The following FAM114A2 variants were observed in gnomAD, a reference collection of about 807,000 sequenced individuals.
FAM114A2 encodes family with sequence similarity 114 member A2.
In FAM114A2, 53 loss-of-function variants were observed where a neutral mutation model predicts 58.4. The ratio of observed to expected loss-of-function variants is 0.91; its 90% CI spans 0.73 to 1.14. The LOEUF (loss-of-function observed/expected upper bound fraction) is 1.14, where lower values mean the gene tolerates loss of function less well. Among genes scored for constraint, FAM114A2 ranks in the 50% most tolerant of loss-of-function variants. FAM114A2 has a pLI of 0.00. For synonymous variants in FAM114A2, 228 were observed against 211.4 expected (o/e 1.08, Z -0.68); for missense variants, 601 against 581.1 (o/e 1.03, Z -0.35).
rs1463037186 is a variant in FAM114A2, at chr5:153,994,910, A to T, written c.1383+9T>A. Reference sequence around the variant, plus strand: ...CTTTGGAGTCAGAGACTTAAAAACAATTACTAACCTCTAGAAATACTGCAG... The same window carrying T: ...CTTTGGAGTCAGAGACTTAAAAACATTTACTAACCTCTAGAAATACTGCAG... On this transcript the variant is annotated intron_variant, in intron 13 of 13. Transcript: ENST00000351797. 1 of 1,579,784 alleles carries T rather than the reference A, an allele frequency of 6.3e-7. No individual in the cohort carries two copies. Among genetic ancestry groups the T allele is most frequent in the Admixed American group, 1.7e-5 (1 of 59,850 alleles).
chr5:153,993,902 C>G (rs1165059028), intron 13 of FAM114A2, among the ~76,000 whole-genome samples: 1 of 152,106 alleles, frequency 6.6e-6, no homozygotes, highest in Non-Finnish European at 1.5e-5. Flanking sequence ...TACTCAATTT[C>G]CCACACAAAA....
intron 1 of FAM114A2, chr5:154,036,116 C>T (rs959268987): frequency 9.9e-5 from 15 of 151,950 alleles, no homozygotes; most frequent in African/African-American, 3.4e-4. Flanking sequence ...CAGTATGTAG[C>T]TTATCTTTTA....
At chr5:154,023,037 C>G (rs972522018) in intron 8 of FAM114A2, among the ~76,000 whole-genome samples, 1 of 151,952 alleles carries the variant, frequency 6.6e-6, no homozygotes, top group Admixed American at 6.6e-5. Flanking sequence ...ATCACAAGGA[C>G]AGAAAACCAA....
chr5:154,005,270 C>T (rs1303654556), intron 9 of FAM114A2, among the ~76,000 whole-genome samples: 1 of 152,098 alleles, frequency 6.6e-6, no homozygotes, highest in African/African-American at 2.4e-5. Context: ...TTCATGTGAC[C>T]TGGGTGCAGC....
intron 8 of FAM114A2, among the ~76,000 whole-genome samples, chr5:154,013,765 A>G (rs1043973722): frequency 9.9e-5 from 15 of 152,226 alleles, no homozygotes; most frequent in African/African-American, 3.4e-4. Context: ...GGAACAATGG[A>G]GCAACTTAAG....
intron 9 of FAM114A2, among the ~76,000 whole-genome samples, chr5:154,009,343 C>T (rs1246266507): frequency 6.6e-6 from 1 of 151,716 alleles, no homozygotes; most frequent in Non-Finnish European, 1.5e-5. Context: ...GAATTACAAG[C>T]CAATGGGGGA....
intron 7 of FAM114A2, among the ~76,000 whole-genome samples, chr5:154,026,786 T>G (rs1365166559): frequency 2.0e-5 from 3 of 150,886 alleles, no homozygotes; most frequent in Non-Finnish European, 4.4e-5. Context: ...ACAAAAAAAT[T>G]AGATAATCTT....
At chr5:154,017,218 G>C (rs575365878) in intron 8 of FAM114A2, among the ~76,000 whole-genome samples, 4 of 152,330 alleles carry the variant, frequency 2.6e-5, no homozygotes, top group African/African-American at 9.6e-5. Flanking sequence ...CGAGGCAGGT[G>C]TATCACCTGA....
At chr5:154,016,002 T>A (rs112261123) in intron 8 of FAM114A2, among the ~76,000 whole-genome samples, 1 of 151,724 alleles carries the variant, frequency 6.6e-6, no homozygotes, top group East Asian at 1.9e-4. Context: ...AGCAATAGAA[T>A]TGAACAAGCA....
Position 154,013,050 on chromosome 5 carries a change from T to G in FAM114A2, c.914-1730A>C, listed in dbSNP as rs573836419. Among the ~76,000 whole-genome samples, 3 of 151,710 alleles carry G rather than the reference T, an allele frequency of 2.0e-5. No individual in the cohort carries two copies. The South Asian group carries it at 6.2e-4, about 31-fold the overall frequency. ...TATTCACATATAATTTATATGAATT[T>G]ACAGATTATATAATTTATAAACATC... On this transcript the variant is annotated intron_variant, in intron 8 of 13. Coordinates refer to ENST00000351797, the MANE Select transcript of FAM114A2 (RefSeq NM_018691.4).
intron 4 of FAM114A2, among the ~76,000 whole-genome samples, chr5:154,031,460 T>C (rs1031064693): frequency 1.3e-5 from 2 of 152,134 alleles, no homozygotes; most frequent in Non-Finnish European, 2.9e-5. Flanking sequence ...CAATGGCCTA[T>C]GCTTATCTCA....
At chr5:154,018,077 T>C (rs1337438789) in intron 8 of FAM114A2, among the ~76,000 whole-genome samples, 3 of 151,940 alleles carry the variant, frequency 2.0e-5, no homozygotes. Context: ...AGAACAGAAC[T>C]AAATGAAGTT....
chr5:154,006,363 G>A (rs1246745340), intron 9 of FAM114A2, among the ~76,000 whole-genome samples: 2 of 152,186 alleles, frequency 1.3e-5, no homozygotes, highest in African/African-American at 4.8e-5. Flanking sequence ...GGTGGGTATG[G>A]GTAGAAGGTG....
chr5:154,018,285 T>C (rs1426576542), intron 8 of FAM114A2, among the ~76,000 whole-genome samples: 1 of 152,112 alleles, frequency 6.6e-6, no homozygotes, highest in African/African-American at 2.4e-5. Flanking sequence ...TGAACACCTG[T>C]ATGCGCATAA....
intron 8 of FAM114A2, among the ~76,000 whole-genome samples, chr5:154,024,490 C>A (rs1771650505): frequency 6.6e-6 from 1 of 152,094 alleles, no homozygotes; most frequent in African/African-American, 2.4e-5. Flanking sequence ...CAGATGACAG[C>A]TAAATTCTCT....
chr5:154,003,041 C>G, intron 9 of FAM114A2, 72 bp from the exon 10 acceptor site: 1 of 1,393,054 alleles, frequency 7.2e-7, no homozygotes. Context: ...CTACCAGGAA[C>G]ACAATAGCAT....
intron 8 of FAM114A2, among the ~76,000 whole-genome samples, chr5:154,014,341 C>T (rs947933851): frequency 6.6e-5 from 10 of 152,104 alleles, no homozygotes; most frequent in Non-Finnish European, 1.2e-4. Context: ...GACAGAGCAG[C>T]GCGTGGAGGC....
intron 13 of FAM114A2, chr5:153,994,575 T>C (rs1301478003): frequency 5.6e-6 from 1 of 177,352 alleles, no homozygotes; most frequent in African/African-American, 2.4e-5. Context: ...AGTCCTAAAT[T>C]AGGAAGCAGT....
intron 7 of FAM114A2, among the ~76,000 whole-genome samples, chr5:154,026,881 T>TA (rs369405624): frequency 0.66 from 87,670 of 132,678 alleles, 27,670 homozygotes; most frequent in East Asian, 0.87. Flanking sequence ...CCAAAGAAAC[T>TA]AAAAAAAAAA....
Sources: allele counts gnomAD v4.1 joint callset (sites outside exome capture counted in the v4.1 genomes callset), GRCh38; gene constraint gnomAD v4.1.1; transcripts MANE v1.5; gene names NCBI Gene and HGNC (gene_info 2026-07-23, HGNC 2026-07-21).